Variants in CRHR2 observed in about 807,000 individuals in gnomAD.
The protein encoded by CRHR2 is corticotropin releasing hormone receptor 2, also known as corticotropin-releasing hormone receptor 2.
Under a neutral mutation model 57.9 loss-of-function variants are expected in CRHR2, and 53 were observed. The ratio of observed to expected loss-of-function variants is 0.92; its 90% confidence interval spans 0.73 to 1.15. The LOEUF (loss-of-function observed/expected upper bound fraction) is 1.15. Among genes scored for constraint, CRHR2 ranks in the 50% most tolerant of loss-of-function variants. The pLI is 0.00. For synonymous variants in CRHR2, 213 were observed against 220.9 expected (o/e 0.96, Z 0.32); for missense variants, 532 against 542.6 (o/e 0.98, Z 0.19).
At chr7:30,683,823 C>T (rs887458283), upstream of CRHR2, among the ~76,000 whole-genome samples, 1 of 152,230 alleles carries the variant, frequency 6.6e-6, no homozygotes, top group Non-Finnish European at 1.5e-5. Flanking sequence ...GTCCTGTTCC[C>T]CTGCCATCCT....
At chr7:30,687,027 T>C (rs899619399), upstream of CRHR2, among the ~76,000 whole-genome samples, 1 of 152,224 alleles carries the variant, frequency 6.6e-6, no homozygotes, top group African/African-American at 2.4e-5. Flanking sequence ...TCTATTCTCC[T>C]TCCCCAGAGG....
chr7:30,655,689 AG>A lies in CRHR2; in HGVS notation c.943del (p.Leu315SerfsTer56). The A allele has an allele frequency of 2.5e-6, 4 of 1,614,114 alleles. No homozygotes were observed. The highest frequency in any genetic ancestry group is 3.4e-6 in the Non-Finnish European group (4 of 1,179,960). On this transcript the variant is annotated frameshift_variant, in exon 10 of 12. Transcript: ENST00000471646. LOFTEE classifies it high-confidence loss of function. ...YRKAVKATLV[L>X]LPLLGITYML... ...GTAGGTGATGCCCAGGAGGGGCAGG[AG>A]CACCAGGGTGGCCTTCACTGCCTTC...
At chr7:30,697,563 G>T (rs1177446776) in intron 1 of CRHR2, among the ~76,000 whole-genome samples, 2 of 151,994 alleles carry the variant, frequency 1.3e-5, no homozygotes, top group Non-Finnish European at 2.9e-5. Flanking sequence ...AGGCTGGGTG[G>T]GTTCCTCCAG....
rs1248980158 is a variant in CRHR2, at chr7:30,682,194, T to A, written c.87A>T (p.Pro29=). ...AEELLLDGWG[P]PLDPEGPYSY... is the part of the protein sequence containing the mutation. ...CCCGCCTACCCTCGGGGTCCAGGGG[T>A]GGCCCCCAGCCGTCCAAGAGCAGCT... The change falls in exon 1 of 12, where the codon CCA becomes CCT. Residue 29 remains proline (P), a synonymous_variant. Coordinates refer to ENST00000471646, the MANE Select transcript of CRHR2 (RefSeq NM_001883.5). The A allele has an allele frequency of 6.3e-7, 1 of 1,584,524 alleles. No individual in the cohort carries two copies. Among genetic ancestry groups the A allele is most frequent in the Non-Finnish European group, 8.5e-7 (1 of 1,173,672 alleles).
Position 30,682,029 on chromosome 7 carries a change from A to G in CRHR2, c.115T>C (p.Tyr39His), listed in dbSNP as rs1287809264. 2 of 1,591,778 alleles carry G rather than the reference A, an allele frequency of 1.3e-6. No homozygotes were observed. Among genetic ancestry groups the G allele is most frequent in the Non-Finnish European group, 1.7e-6 (2 of 1,169,510 alleles). Residue 39 changes from tyrosine to histidine, a missense_variant, in exon 2 of 12, where the codon TAC becomes CAC. Coordinates refer to ENST00000471646, the MANE Select transcript of CRHR2 (RefSeq NM_001883.5). ...PPLDPEGPYS[Y>H]CNTTLDQIGT... is the part of the protein sequence containing the mutation. Reference sequence around the variant, plus strand: ...ATCTGGTCCAAGGTCGTGTTGCAGTAGGAGTAGGGACCTGGCGGCGGGAGA... The same window carrying G: ...ATCTGGTCCAAGGTCGTGTTGCAGTGGGAGTAGGGACCTGGCGGCGGGAGA...
chr7:30,693,433 C>T (rs1223285918), intron 1 of CRHR2, among the ~76,000 whole-genome samples: 2 of 152,160 alleles, frequency 1.3e-5, no homozygotes, highest in African/African-American at 4.8e-5. Context: ...TTGGTGACCA[C>T]CTGGTGGTGC....
intron 1 of CRHR2, among the ~76,000 whole-genome samples, chr7:30,689,921 C>G (rs1784927400): frequency 6.6e-6 from 1 of 152,162 alleles, no homozygotes. Context: ...TTGGGGCACC[C>G]AGAAAGATGA....
chr7:30,665,260 TAGAGA>T lies in CRHR2; in HGVS notation c.426-78_426-74del. The stretch of plus-strand genomic sequence containing the variant: ...GGACTGGGTTCCCCCTGAGGCCAGG[TAGAGA>T]CTCAGCCTGGGATGAGGGCAGGGCT... On this transcript the variant is annotated intron_variant, in intron 4 of 11. Transcript: ENST00000471646. This position sits in a 1 kb window ranked among gnomAD's most constrained non-coding sequence, Gnocchi z 4.5. 1 of 1,311,768 alleles carries T rather than the reference TAGAGA, an allele frequency of 7.6e-7. No individual in the cohort carries two copies. Among genetic ancestry groups the T allele is most frequent in the Non-Finnish European group, 1.1e-6 (1 of 910,070 alleles). The allele number at this position is 1,311,768 out of a possible 1,614,324, so 81.3% of individuals were successfully genotyped here. A position where few individuals can be genotyped will look rare whatever the true frequency, so the allele number is the denominator to read the frequency against.
intron 1 of CRHR2, among the ~76,000 whole-genome samples, chr7:30,697,529 G>A (rs905621232): frequency 5.9e-5 from 9 of 152,078 alleles, no homozygotes; most frequent in African/African-American, 2.2e-4. Context: ...AGGCCTCCAC[G>A]GGGAATAGGG....
rs565985563 is a variant in CRHR2, at chr7:30,656,273, G to A, written c.832-261C>T. 5.6e-4 allele frequency among the ~76,000 whole-genome samples: 85 copies of A among 152,222 alleles called. No homozygotes were observed. The highest frequency in any genetic ancestry group is 2.0e-3 in the African/African-American group (85 of 41,542). ...AAAGGTGGCAGCCTCTGTGGGTCGT[G>A]ACCGAGAGCACGGGGCATGCCCTCT... On this transcript the variant is annotated intron_variant, in intron 8 of 11. Transcript: ENST00000471646. The surrounding 1 kb of genome is among the most constrained non-coding windows in gnomAD (Gnocchi z 4.4).
chr7:30,655,736 C>T (rs1296318427), intron 9 of CRHR2, 21 bp from the exon 10 acceptor site: 8 of 1,610,112 alleles, frequency 5.0e-6, no homozygotes, highest in Non-Finnish European at 5.9e-6. Context: ...GAGGTGGACA[C>T]AGGTCTGAGC....
chr7:30,655,041 C>G lies in CRHR2; in HGVS notation c.1093G>C (p.Glu365Gln). 1 of 1,613,326 alleles carries G rather than the reference C, an allele frequency of 6.2e-7. No individual in the cohort carries two copies. Among genetic ancestry groups the G allele is most frequent in the Non-Finnish European group, 8.5e-7 (1 of 1,179,596 alleles). Reference protein sequence around the residue: ...VSVFYCFFNGEVRSAVRKRWH... With the variant: ...VSVFYCFFNGQVRSAVRKRWH... ...ACCCCGAGGGCCCAGCTTCATACCT[C>G]TCCATTGAAGAAGCAGTAGAAGACA... Residue 365 changes from glutamate to glutamine, a missense_variant and splice_region_variant, in exon 11 of 12, where the codon GAG (glutamate) becomes CAG (glutamine). Transcript: ENST00000471646.
upstream of CRHR2, among the ~76,000 whole-genome samples, chr7:30,684,715 CTTA>C (rs1346396259): frequency 1.3e-5 from 2 of 152,162 alleles, no homozygotes; most frequent in African/African-American, 2.4e-5. Context: ...CTTCATGGAT[CTTA>C]TTATTATAGG....
At chr7:30,685,632 G>A (rs1021525690), upstream of CRHR2, among the ~76,000 whole-genome samples, 2 of 152,132 alleles carry the variant, frequency 1.3e-5, no homozygotes, top group African/African-American at 4.8e-5. Context: ...AATTGGCCTG[G>A]TGTCTTCATG....
At chr7:30,690,257 C>A (rs894531167) in intron 1 of CRHR2, among the ~76,000 whole-genome samples, 2 of 152,156 alleles carry the variant, frequency 1.3e-5, no homozygotes, top group African/African-American at 4.8e-5. Flanking sequence ...GCTTGCCAAG[C>A]TGATCAGGCC....
rs1160294160 is a variant in CRHR2 at position 30,655,721 on chromosome 7, G to T, written c.918-6C>A. The T allele has an allele frequency of 3.1e-6, 5 of 1,612,412 alleles. No individual in the cohort carries two copies. The South Asian group carries it at 5.5e-5, about 18-fold the overall frequency. On this transcript the variant is annotated splice_polypyrimidine_tract_variant and splice_region_variant and intron_variant, in intron 9 of 11. Coordinates refer to ENST00000471646, the MANE Select transcript of CRHR2 (RefSeq NM_001883.5). Reference sequence around the variant, plus strand: ...GGGTGGCCTTCACTGCCTTCCTGGGGGCGAGAGGTGGACACAGGTCTGAGC... The same window carrying T: ...GGGTGGCCTTCACTGCCTTCCTGGGTGCGAGAGGTGGACACAGGTCTGAGC...
intron 1 of CRHR2, among the ~76,000 whole-genome samples, chr7:30,698,422 T>G (rs920589677): frequency 2.6e-5 from 4 of 152,114 alleles, no homozygotes; most frequent in Non-Finnish European, 5.9e-5. Flanking sequence ...AGGGACGGGC[T>G]GAGGGGCAAC....
In CRHR2 at chr7:30,656,023, G is replaced by A. The variant is rs776306226; in HGVS notation, c.832-11C>T. ...AAATACGAAATTGATCTGGAGGGAGGGCGGGCATGGGAAAGAGGGAAAAGG... is the reference window on the plus strand; with the variant it reads ...AAATACGAAATTGATCTGGAGGGAGAGCGGGCATGGGAAAGAGGGAAAAGG... On this transcript the variant is annotated splice_polypyrimidine_tract_variant and intron_variant, in intron 8 of 11. Transcript: ENST00000471646. This position sits in a 1 kb window ranked among gnomAD's most constrained non-coding sequence, Gnocchi z 4.4. The A allele has an allele frequency of 2.4e-5, 39 of 1,608,932 alleles. No homozygotes were observed. The highest frequency in any genetic ancestry group is 3.3e-5 in the Admixed American group (2 of 59,982).
At chr7:30,673,900 T>A (rs1327502048) in intron 2 of CRHR2, among the ~76,000 whole-genome samples, 4 of 152,026 alleles carry the variant, frequency 2.6e-5, no homozygotes, top group African/African-American at 7.2e-5. Context: ...CTAGATTGAG[T>A]TTGGGAGTCT....
Sources: gnomAD v4.1 joint callset for allele counts (sites outside exome capture counted in the v4.1 genomes callset) on GRCh38, gnomAD v4.1.1 for gene constraint, Gnocchi (gnomAD v3.1) non-coding constraint, MANE v1.5 for transcripts, NCBI Gene and HGNC (gene_info 2026-07-23, HGNC 2026-07-21) for gene names.